The following TNC variants were observed in gnomAD, a reference collection of about 807,000 sequenced individuals.
TNC encodes tenascin.
In TNC, 109 loss-of-function variants were observed where a neutral mutation model predicts 202.4. The observed-to-expected ratio is 0.54, with a 90% CI of 0.46 to 0.63. TNC has a LOEUF of 0.63. Among genes scored for constraint, TNC ranks in the 30% least tolerant of loss-of-function variants. The pLI is 0.00. For missense variants in TNC, 2,756 were observed against 2,833.3 expected (o/e 0.97, Z 0.62); for synonymous variants, 1,007 against 1,089.7 (o/e 0.92, Z 1.50).
rs780786321 is a variant in TNC at position 115,031,585 on chromosome 9, C to T, written c.5888G>A (p.Arg1963Lys). The T allele has an allele frequency of 3.7e-6, 6 of 1,607,868 alleles. No individual in the cohort carries two copies. The highest frequency in any genetic ancestry group is 4.2e-6 in the Non-Finnish European group (5 of 1,177,212). The change falls in exon 23 of 28, where the codon AGG becomes AAG. Residue 1963 changes from arginine to lysine, a missense_variant. Physicochemically the swap from Arg to Lys is conservative, Grantham distance 26 (BLOSUM62 2). Transcript: ENST00000350763. ...GAAGATGGTCTGGATCATATTGCTC[C>T]TCAGGGGCCCATTGAGTGCCTGGAT... Reference protein sequence around the residue: ...AKIQALNGPLRSNMIQTIFTT... With the variant: ...AKIQALNGPLKSNMIQTIFTT...
At chr9:115,100,904 A>T (rs1836181519) in intron 1 of TNC, among the ~76,000 whole-genome samples, 1 of 152,192 alleles carries the variant, frequency 6.6e-6, no homozygotes, top group Non-Finnish European at 1.5e-5. Context: ...TGGGGGAAAA[A>T]AACCTTTAAA....
At chr9:115,110,613 G>A (rs1034304779) in intron 1 of TNC, among the ~76,000 whole-genome samples, 6 of 152,186 alleles carry the variant, frequency 3.9e-5, no homozygotes, top group Admixed American at 6.5e-5. Context: ...AGAATTAATC[G>A]AAGATGTTAC....
chr9:115,091,133 A>G lies in TNC; in HGVS notation c.-115T>C. On this transcript the variant is annotated 5_prime_UTR_variant, in exon 2 of 28. Transcript: ENST00000350763. Reference sequence around the variant, plus strand: ...GTAGACTTCAAATCAGTTGTCCCTGATCTTCTTGAAAGAATTATTTTCTAC... The same window carrying G: ...GTAGACTTCAAATCAGTTGTCCCTGGTCTTCTTGAAAGAATTATTTTCTAC... The G allele has an allele frequency of 1.3e-6, 1 of 786,018 alleles. No individual in the cohort carries two copies. The highest frequency in any genetic ancestry group is 2.0e-6 in the Non-Finnish European group (1 of 503,580). The allele number at this position is 786,018 out of a possible 1,614,324, so 48.7% of individuals were successfully genotyped here. A position where few individuals can be genotyped will look rare whatever the true frequency, so the allele number is the denominator to read the frequency against.
At chr9:115,107,802 C>T (rs1257682665) in intron 1 of TNC, among the ~76,000 whole-genome samples, 2 of 152,192 alleles carry the variant, frequency 1.3e-5, no homozygotes, top group African/African-American at 4.8e-5. Context: ...GATCAGCATT[C>T]AAGTGGATGA....
At chr9:115,103,694 T>C (rs1836405120) in intron 1 of TNC, among the ~76,000 whole-genome samples, 1 of 152,218 alleles carries the variant, frequency 6.6e-6, no homozygotes, top group Admixed American at 6.5e-5. Context: ...CACAATATTT[T>C]TGTTGAACTT....
At chr9:115,033,371 A>G (rs1830089367) in intron 22 of TNC, among the ~76,000 whole-genome samples, 3 of 152,180 alleles carry the variant, frequency 2.0e-5, no homozygotes, top group East Asian at 1.9e-4. Context: ...AGCTGGGTTC[A>G]TTGAATTACT....
intron 1 of TNC, among the ~76,000 whole-genome samples, chr9:115,095,490 A>ACG (rs1835596928): frequency 5.0e-5 from 1 of 20,168 alleles, no homozygotes; most frequent in Non-Finnish European, 9.5e-5. Context: ...GTATATATAT[A>ACG]TGTATATATA....
intron 10 of TNC, among the ~76,000 whole-genome samples, chr9:115,068,216 T>C (rs1409277268): frequency 6.6e-6 from 1 of 152,216 alleles, no homozygotes; most frequent in Non-Finnish European, 1.5e-5. Flanking sequence ...TTGGCATTTC[T>C]TTATCAAAAG....
intron 20 of TNC, 36 bp from the exon 21 acceptor site, chr9:115,036,277 C>G (rs766559793): frequency 6.8e-6 from 11 of 1,609,518 alleles, no homozygotes; most frequent in Non-Finnish European, 8.5e-6. Flanking sequence ...GCAGTCACCT[C>G]TCACTGTCTG....
intron 15 of TNC, among the ~76,000 whole-genome samples, chr9:115,051,625 A>G (rs1481250142): frequency 1.3e-5 from 2 of 149,060 alleles, no homozygotes; most frequent in Non-Finnish European, 3.0e-5. Context: ...AATTAGCTGC[A>G]TCTAGCTGCA....
At position 115,075,894 on chromosome 9, in the gene TNC, T is replaced by C. The variant is rs115360777; in HGVS notation, c.2950+138A>G. On this transcript the variant is annotated intron_variant, in intron 9 of 27. Coordinates refer to ENST00000350763, the MANE Select transcript of TNC (RefSeq NM_002160.4). Reference sequence around the variant, plus strand: ...CTTATGTTCCTTTTGAATTTCAACATTGGGGCTAGATGGTACTACAGGGCC... The same window carrying C: ...CTTATGTTCCTTTTGAATTTCAACACTGGGGCTAGATGGTACTACAGGGCC... 927 of 694,058 alleles carry C rather than the reference T, an allele frequency of 1.3e-3. 3 individuals carry two copies. In the African/African-American group the frequency reaches 0.013, roughly 10 times the overall value. The allele number at this position is 694,058 out of a possible 1,614,324, so 43.0% of individuals were successfully genotyped here. A position where few individuals can be genotyped will look rare whatever the true frequency, so the allele number is the denominator to read the frequency against.
chr9:115,075,866 G>A (rs1262421670), intron 9 of TNC, among the ~76,000 whole-genome samples, 166 bp downstream of exon 9: 7 of 152,160 alleles, frequency 4.6e-5, no homozygotes, highest in East Asian at 1.9e-4. Flanking sequence ...CAGATGGACC[G>A]TACTTATGTT....
At chr9:115,051,468 G>T (rs921880517) in intron 15 of TNC, among the ~76,000 whole-genome samples, 1 of 151,926 alleles carries the variant, frequency 6.6e-6, no homozygotes, top group African/African-American at 2.4e-5. Context: ...CAATCCTGAG[G>T]GATAAGGAGG....
intron 15 of TNC, among the ~76,000 whole-genome samples, chr9:115,053,654 T>C (rs1470453173): frequency 1.3e-5 from 2 of 152,160 alleles, no homozygotes; most frequent in Non-Finnish European, 2.9e-5. Flanking sequence ...TTCTTTGGAG[T>C]TTCCTCATTT....
At chr9:115,063,733 C>T in intron 12 of TNC, 63 bp downstream of exon 12, 5 of 1,542,586 alleles carry the variant, frequency 3.2e-6, no homozygotes, top group Non-Finnish European at 3.5e-6. Context: ...CAAGAAAGTG[C>T]TTTGATTCCT....
At chr9:115,087,888 A>G (rs1834921241) in intron 2 of TNC, among the ~76,000 whole-genome samples, 1 of 151,758 alleles carries the variant, frequency 6.6e-6, no homozygotes, top group Admixed American at 6.6e-5. Context: ...CATTTTTTGT[A>G]GAGATGGGGT....
intron 6 of TNC, 57 bp downstream of exon 6, chr9:115,081,715 G>C: frequency 6.3e-7 from 1 of 1,588,174 alleles, no homozygotes; most frequent in Non-Finnish European, 8.6e-7. Context: ...TCAACCAGGA[G>C]GTGCTATGAG....
chr9:115,028,753 T>C (rs1397996401), intron 25 of TNC, among the ~76,000 whole-genome samples: 4 of 152,148 alleles, frequency 2.6e-5, no homozygotes, highest in Non-Finnish European at 4.4e-5. Flanking sequence ...CTTTATCTTA[T>C]GTAAAGTGCC....
At chr9:115,088,931 G>A (rs1160855731) in intron 2 of TNC, among the ~76,000 whole-genome samples, 1 of 152,012 alleles carries the variant, frequency 6.6e-6, no homozygotes, top group Non-Finnish European at 1.5e-5. Context: ...TGGCTCTGTT[G>A]AATTAAATAA....
Sources: gnomAD v4.1 joint callset for allele counts (sites outside exome capture counted in the v4.1 genomes callset) on GRCh38, gnomAD v4.1.1 for gene constraint, MANE v1.5 for transcripts, NCBI Gene and HGNC (gene_info 2026-07-23, HGNC 2026-07-21) for gene names.